The following OPN3 variants were observed in gnomAD, a reference collection of about 807,000 sequenced individuals.
OPN3 encodes opsin-3.
OPN3 carries 29 observed loss-of-function variants against 33.8 expected under a neutral mutation model. The ratio of observed to expected loss-of-function variants is 0.86; its 90% CI spans 0.64 to 1.17. The LOEUF (loss-of-function observed/expected upper bound fraction) is 1.17. Among genes scored for constraint, OPN3 ranks in the 50% most tolerant of loss-of-function variants. OPN3 has a pLI of 0.00. For synonymous variants in OPN3, 216 were observed against 216.1 expected, an observed-to-expected ratio of 1.00 and a Z score of 0.00; for missense variants, 437 against 514.1, an observed-to-expected ratio of 0.85 and a Z score of 1.45.
chr1:241,625,508 T>C (rs1664395137), intron 1 of OPN3, among the ~76,000 whole-genome samples: 1 of 152,204 alleles, frequency 6.6e-6, no homozygotes, highest in South Asian at 2.1e-4. Flanking sequence ...TGGATAAAAT[T>C]ATTTTAAAAA....
intron 1 of OPN3, chr1:241,635,629 G>A (rs1664867089): frequency 3.1e-6 from 5 of 1,614,098 alleles, no homozygotes; most frequent in Non-Finnish European, 4.2e-6. Flanking sequence ...AACTAGCCCA[G>A]TTTCCTCCAT....
chr1:241,598,083 A>G (rs1361956204), intron 2 of OPN3, 86 bp from the exon 3 acceptor site: 1 of 1,427,052 alleles, frequency 7.0e-7, no homozygotes, highest in Non-Finnish European at 9.3e-7. Context: ...TTCAGACACC[A>G]TTCTTGGCCC....
chr1:241,612,181 C>A (rs754954647), intron 1 of OPN3, among the ~76,000 whole-genome samples: 6 of 152,166 alleles, frequency 3.9e-5, no homozygotes, highest in African/African-American at 9.7e-5. Flanking sequence ...TGAACAATAT[C>A]TGGATGGACT....
chr1:241,606,622 C>T (rs1370822222), intron 1 of OPN3, among the ~76,000 whole-genome samples: 1 of 151,526 alleles, frequency 6.6e-6, no homozygotes, highest in Admixed American at 6.6e-5. Context: ...TTCTAACCTG[C>T]CTAAGGAATA....
chr1:241,606,829 T>C (rs1663844529), intron 1 of OPN3, among the ~76,000 whole-genome samples: 1 of 152,120 alleles, frequency 6.6e-6, no homozygotes, highest in African/African-American at 2.4e-5. Context: ...AGGGTGTGGG[T>C]GGCAAACGGG....
chr1:241,597,632 A>G (rs925765104), intron 3 of OPN3, 114 bp downstream of exon 3: 1 of 1,075,078 alleles, frequency 9.3e-7, no homozygotes. Context: ...TTCCTAAAAA[A>G]TTCTTGTTTT....
In OPN3 at chr1:241,640,263, G is replaced by A. The variant is rs1665074284; in HGVS notation, c.-9C>T. On this transcript the variant is annotated 5_prime_UTR_variant, in exon 1 of 4. Coordinates refer to ENST00000366554, the MANE Select transcript of OPN3 (RefSeq NM_014322.3). The stretch of plus-strand genomic sequence containing the variant: ...CGGTTCCCCGAGTACATGGCCCGGC[G>A]CCGGCGCGCCTGGCGGGCGGAGGCG... The A allele has an allele frequency of 5.0e-6, 6 of 1,197,094 alleles. No homozygotes were observed. Among genetic ancestry groups the A allele is most frequent in the Non-Finnish European group, 6.2e-6 (6 of 967,754 alleles). The allele number at this position is 1,197,094 out of a possible 1,614,324, so 74.2% of individuals were successfully genotyped here. A position where few individuals can be genotyped will look rare whatever the true frequency, so the allele number is the denominator to read the frequency against.
At chr1:241,634,983 C>T in intron 1 of OPN3, 3 of 1,613,620 alleles carry the variant, frequency 1.9e-6, no homozygotes, top group Non-Finnish European at 2.5e-6. Flanking sequence ...ATCCTAGTGA[C>T]ATTTTTAAAT....
intron 1 of OPN3, among the ~76,000 whole-genome samples, chr1:241,605,226 A>G (rs918875763): frequency 6.6e-6 from 1 of 152,086 alleles, no homozygotes; most frequent in Non-Finnish European, 1.5e-5. Flanking sequence ...CACTAGAGCA[A>G]GTGTCTCTTT....
chr1:241,639,546 GTGCCTTGT>G (rs1573970903), intron 1 of OPN3, among the ~76,000 whole-genome samples: 1 of 151,892 alleles, frequency 6.6e-6, no homozygotes, highest in East Asian at 1.9e-4. Flanking sequence ...CCGTGGTTTC[GTGCCTTGT>G]TGAGTGATCT....
intron 1 of OPN3, chr1:241,634,216 T>C (rs771927047): frequency 6.2e-6 from 10 of 1,614,040 alleles, no homozygotes; most frequent in Non-Finnish European, 8.5e-6. Context: ...CTTCTCTTGC[T>C]GTTTTAGAAG....
chr1:241,608,982 G>A (rs1406513738), intron 1 of OPN3, among the ~76,000 whole-genome samples: 1 of 152,130 alleles, frequency 6.6e-6, no homozygotes, highest in African/African-American at 2.4e-5. Context: ...ACAAATTTTG[G>A]TCTTGAGTTG....
chr1:241,594,653 C>CG lies in OPN3; in HGVS notation c.983_984insC (p.Leu329AlafsTer8). On this transcript the variant is annotated frameshift_variant, in exon 4 of 4. Coordinates refer to ENST00000366554, the MANE Select transcript of OPN3 (RefSeq NM_014322.3). LOFTEE classifies it high-confidence loss of function. ...CTTTAGCAGGCCTCTGGCACCTCAG[C>CG]AGTCGGAGGCACAGAAGCTGCAAAA... 6.2e-7 allele frequency: 1 copy of CG among 1,614,040 alleles called. No homozygotes were observed.
chr1:241,611,913 T>G lies in OPN3; in HGVS notation c.374-7334A>C, dbSNP rs1260464927. Among the ~76,000 whole-genome samples the G allele has an allele frequency of 3.3e-5, 5 of 152,248 alleles. No homozygotes were observed. The East Asian group carries it at 9.6e-4, about 29-fold the overall frequency. ...AGGGAAACCTAGTGGAGAAATATGG[T>G]TACTGTGATAAGGAATGAAACTGAT... is the stretch of plus-strand genomic sequence containing the variant. On this transcript the variant is annotated intron_variant, in intron 1 of 3. Coordinates refer to ENST00000366554, the MANE Select transcript of OPN3 (RefSeq NM_014322.3).
chr1:241,606,591 T>A (rs1022726143), intron 1 of OPN3, among the ~76,000 whole-genome samples: 13 of 144,196 alleles, frequency 9.0e-5, no homozygotes, highest in Admixed American at 2.7e-4. Context: ...ATAAATAAAA[T>A]AAATAAAATA....
chr1:241,597,112 G>A (rs371489658), intron 3 of OPN3, among the ~76,000 whole-genome samples: 1 of 151,952 alleles, frequency 6.6e-6, no homozygotes, highest in African/African-American at 2.4e-5. Context: ...TTACTGGCTT[G>A]AGCCACCACA....
At chr1:241,595,643 C>T (rs1420999056) in intron 3 of OPN3, 2 of 152,148 alleles carry the variant, frequency 1.3e-5, no homozygotes, top group Non-Finnish European at 2.9e-5. Flanking sequence ...TAAATAGCTA[C>T]ATTGATTTCT....
At chr1:241,599,575 T>A (rs1663626545) in intron 2 of OPN3, among the ~76,000 whole-genome samples, 1 of 152,198 alleles carries the variant, frequency 6.6e-6, no homozygotes, top group Non-Finnish European at 1.5e-5. Flanking sequence ...CAATTCTATT[T>A]TAAAAGAAAC....
intron 1 of OPN3, chr1:241,634,689 T>G: frequency 1.2e-6 from 2 of 1,613,982 alleles, no homozygotes; most frequent in South Asian, 2.2e-5. Context: ...AAGTTTTTAG[T>G]TGCGTTAAGA....
Sources: gnomAD v4.1 joint callset for allele counts (sites outside exome capture counted in the v4.1 genomes callset) on GRCh38, gnomAD v4.1.1 for gene constraint, MANE v1.5 for transcripts, NCBI Gene and HGNC (gene_info 2026-07-23, HGNC 2026-07-21) for gene names.